The following BMPER variants were observed in gnomAD, a reference collection of about 807,000 sequenced individuals.
BMPER encodes the protein BMP binding endothelial regulator.
BMPER carries 45 observed loss-of-function variants against 87.3 expected under a neutral mutation model. The observed-to-expected ratio is 0.52, with a 90% CI of 0.41 to 0.66. The LOEUF (loss-of-function observed/expected upper bound fraction) is 0.66. Among genes scored for constraint, BMPER ranks in the 30% least tolerant of loss-of-function variants. The probability of loss-of-function intolerance (pLI) is 0.00; values close to 1 mark genes in which losing one functional copy is unlikely to be tolerated. For synonymous variants in BMPER, 326 were observed against 316.2 expected (o/e 1.03, Z -0.33); for missense variants, 784 against 867.5 (o/e 0.90, Z 1.21).
chr7:34,031,945 T>C (rs868690923), intron 6 of BMPER, among the ~76,000 whole-genome samples: 67 of 124,068 alleles, frequency 5.4e-4, no homozygotes, highest in South Asian at 1.3e-3. Flanking sequence ...CACACACACA[T>C]ATATATACAC....
At chr7:33,914,554 A>G (rs1284080768) in intron 2 of BMPER, among the ~76,000 whole-genome samples, 1 of 152,214 alleles carries the variant, frequency 6.6e-6, no homozygotes, top group Non-Finnish European at 1.5e-5. Context: ...CCTTCAAGGT[A>G]GAAACGCCAT....
rs1585807207 is a variant in BMPER at position 34,077,498 on chromosome 7, T to C, written c.1079-1359T>C. The stretch of plus-strand genomic sequence containing the variant: ...TGAGGAGTGCCTTTTATATATTCTT[T>C]CAAGTATTTGTTCATTGAAATTCTC... On this transcript the variant is annotated intron_variant, in intron 11 of 14. Transcript: ENST00000649409. 2.6e-5 allele frequency among the ~76,000 whole-genome samples: 4 copies of C among 152,352 alleles called. No homozygotes were observed. In the South Asian group the frequency reaches 8.3e-4, roughly 32 times the overall value.
At chr7:34,152,991 C>T (rs759972617) in intron 14 of BMPER, 101 bp from the exon 15 acceptor site, 29 of 1,328,480 alleles carry the variant, frequency 2.2e-5, no homozygotes, top group Admixed American at 1.3e-4. Context: ...GCTATGGAAA[C>T]GTCCATGAAG....
chr7:34,058,487 G>T (rs927581386), intron 10 of BMPER, among the ~76,000 whole-genome samples: 5 of 152,046 alleles, frequency 3.3e-5, no homozygotes, highest in Non-Finnish European at 7.4e-5. Flanking sequence ...ACTGTCTTTT[G>T]CCTTTTCCTC....
At chr7:33,909,693 A>AAAAAAAAAAAAAAAAAAAAAG (rs10655768) in intron 2 of BMPER, among the ~76,000 whole-genome samples, 1 of 138,916 alleles carries the variant, frequency 7.2e-6, no homozygotes, top group African/African-American at 2.7e-5. Context: ...AAAAAAAAAA[A>AAAAAAAAAAAAAAAAAAAAAG]AAAGAAAGAA....
intron 4 of BMPER, among the ~76,000 whole-genome samples, chr7:33,968,920 A>G (rs1785469417): frequency 6.6e-6 from 1 of 152,222 alleles, no homozygotes; most frequent in African/African-American, 2.4e-5. Context: ...GCAGATACCA[A>G]AGAAAAATTG....
At chr7:33,997,170 A>G (rs1439604338) in intron 6 of BMPER, among the ~76,000 whole-genome samples, 1 of 152,234 alleles carries the variant, frequency 6.6e-6, no homozygotes, top group Non-Finnish European at 1.5e-5. Flanking sequence ...ATTACCCACC[A>G]GAGTGATCTT....
intron 13 of BMPER, among the ~76,000 whole-genome samples, chr7:34,133,952 T>C (rs1790656146): frequency 6.6e-6 from 1 of 152,214 alleles, no homozygotes; most frequent in Admixed American, 6.5e-5. Context: ...GTACTTGAGA[T>C]TCTTTTTAGA....
At position 34,079,090 on chromosome 7, in the gene BMPER, G is replaced by C. The variant is rs373894849; in HGVS notation, c.1312G>C (p.Val438Leu). The change falls in exon 12 of 15, where the codon GTG (valine) becomes CTG (leucine). Residue 438 changes from valine to leucine, a missense_variant. Physicochemically the swap from Val to Leu is conservative, Grantham distance 32. Coordinates refer to ENST00000649409, the MANE Select transcript of BMPER (RefSeq NM_001365308.1). Reference sequence around the variant, plus strand: ...GGTCAGCCTGCAGCAGCACCTCACCGTGCGCTGGAACGGCTCGCGCATCGC... The same window carrying C: ...GGTCAGCCTGCAGCAGCACCTCACCCTGCGCTGGAACGGCTCGCGCATCGC... ...SRVSLQQHLT[V>L]RWNGSRIALP... 3.7e-6 allele frequency: 6 copies of C among 1,613,870 alleles called. No individual in the cohort carries two copies. Among genetic ancestry groups the C allele is most frequent in the African/African-American group, 1.3e-5 (1 of 74,914 alleles).
chr7:33,973,157 A>T (rs1033151761), intron 5 of BMPER, among the ~76,000 whole-genome samples: 6 of 152,224 alleles, frequency 3.9e-5, no homozygotes, highest in African/African-American at 1.4e-4. Context: ...TAGAATTTTC[A>T]TTTAAAATTC....
At chr7:33,957,474 T>TA (rs1785175489) in intron 3 of BMPER, among the ~76,000 whole-genome samples, 1 of 151,818 alleles carries the variant, frequency 6.6e-6, no homozygotes. Flanking sequence ...TGAGTGTTGC[T>TA]ATAAACGAAT....
intron 2 of BMPER, among the ~76,000 whole-genome samples, chr7:33,910,515 G>A (rs1783931635): frequency 1.3e-5 from 2 of 152,190 alleles, no homozygotes; most frequent in African/African-American, 4.8e-5. Flanking sequence ...CAGTGAGTTG[G>A]GCCCAGTACT....
chr7:34,082,550 G>A (rs903752735), intron 12 of BMPER, among the ~76,000 whole-genome samples: 1 of 152,054 alleles, frequency 6.6e-6, no homozygotes, highest in African/African-American at 2.4e-5. Context: ...AGGAAGACAG[G>A]AGAGTGAATT....
intron 6 of BMPER, among the ~76,000 whole-genome samples, chr7:33,983,104 C>G (rs1367438582): frequency 6.6e-6 from 1 of 152,152 alleles, no homozygotes; most frequent in African/African-American, 2.4e-5. Context: ...TTAGCAAGTT[C>G]TTGAAACCAG....
intron 4 of BMPER, among the ~76,000 whole-genome samples, chr7:33,967,398 GCT>G (rs1345223935): frequency 6.6e-6 from 1 of 152,072 alleles, no homozygotes; most frequent in African/African-American, 2.4e-5. Context: ...ATTTCTCTTT[GCT>G]CTTATCTTAA....
chr7:33,933,598 C>A (rs1784531651), intron 2 of BMPER, among the ~76,000 whole-genome samples: 2 of 152,030 alleles, frequency 1.3e-5, no homozygotes, highest in South Asian at 4.2e-4. Context: ...GCATGATAGG[C>A]ACATCTCTGT....
chr7:33,991,283 A>C (rs894082791), intron 6 of BMPER, among the ~76,000 whole-genome samples: 2 of 151,622 alleles, frequency 1.3e-5, no homozygotes, highest in Admixed American at 6.6e-5. Context: ...GGTTATTGCC[A>C]CAATTTTAGT....
intron 13 of BMPER, among the ~76,000 whole-genome samples, chr7:34,111,931 C>T (rs1468022203): frequency 2.0e-5 from 3 of 152,132 alleles, no homozygotes; most frequent in Middle Eastern, 3.4e-3. Flanking sequence ...AGGCTGATCT[C>T]GAACTCCCGA....
At chr7:34,143,479 C>A in intron 14 of BMPER, 119 bp downstream of exon 14, 1 of 1,453,578 alleles carries the variant, frequency 6.9e-7, no homozygotes, top group Admixed American at 1.9e-5. Flanking sequence ...AGAGGAAAAT[C>A]CCTTCCAGTA....
Sources: gnomAD v4.1 joint callset for allele counts (sites outside exome capture counted in the v4.1 genomes callset) on GRCh38, gnomAD v4.1.1 for gene constraint, MANE v1.5 for transcripts, NCBI Gene and HGNC (gene_info 2026-07-23, HGNC 2026-07-21) for gene names.